NECAB1: variants seen among roughly 807,000 people sequenced by gnomAD.
NECAB1 encodes the protein N-terminal EF-hand calcium binding protein 1, also known as N-terminal EF-hand calcium-binding protein 1.
NECAB1 carries 29 observed loss-of-function variants against 57.5 expected under a neutral mutation model. The observed-to-expected ratio is 0.50, with a 90% CI of 0.38 to 0.69. The LOEUF is 0.69. NECAB1 is among the 30% of genes least tolerant of loss of function. The pLI is 0.00. For synonymous variants in NECAB1, 142 were observed against 147.7 expected (o/e 0.96, Z 0.28); for missense variants, 372 against 413.8 (o/e 0.90, Z 0.88).
At chr8:90,806,120 C>T (rs1249444321) in intron 2 of NECAB1, among the ~76,000 whole-genome samples, 1 of 152,158 alleles carries the variant, frequency 6.6e-6, no homozygotes, top group Non-Finnish European at 1.5e-5. Context: ...TGAATAGCAC[C>T]ATTGGATTCC....
At position 90,956,177 on chromosome 8, in the gene NECAB1, G is replaced by T. The variant is rs915612725; in HGVS notation, c.*665G>T. 1 of 152,018 alleles carries T rather than the reference G, an allele frequency of 6.6e-6. No individual in the cohort carries two copies. The highest frequency in any genetic ancestry group is 1.5e-5 in the Non-Finnish European group (1 of 67,950). The allele number at this position is 152,018 out of a possible 1,614,324, so 9.4% of individuals were successfully genotyped here. ...TACCATTTAGTAATACAGCAACATT[G>T]TGTCATTTATTAGCATCATAATTCT... On this transcript the variant is annotated 3_prime_UTR_variant, in exon 13 of 13. Transcript: ENST00000417640.
chr8:90,891,076 A>T (rs1437675825), intron 5 of NECAB1, among the ~76,000 whole-genome samples: 1 of 152,360 alleles, frequency 6.6e-6, no homozygotes, highest in African/African-American at 2.4e-5. Flanking sequence ...AAGTCACTTC[A>T]AGGAAAAGAA....
At chr8:90,816,498 A>C (rs1812063328) in intron 2 of NECAB1, among the ~76,000 whole-genome samples, 1 of 151,846 alleles carries the variant, frequency 6.6e-6, no homozygotes. Flanking sequence ...AATTTTCGCT[A>C]TCTCAAAGGT....
intron 1 of NECAB1, among the ~76,000 whole-genome samples, chr8:90,794,923 A>G (rs1279673046): frequency 1.3e-5 from 2 of 152,110 alleles, no homozygotes; most frequent in African/African-American, 4.8e-5. Context: ...CATCATAAAT[A>G]CTCTTGAATA....
intron 2 of NECAB1, among the ~76,000 whole-genome samples, chr8:90,803,688 A>C (rs1352387646): frequency 6.6e-6 from 1 of 152,044 alleles, no homozygotes; most frequent in Non-Finnish European, 1.5e-5. Context: ...CATGCTGTCA[A>C]ACTACCTGCC....
At chr8:90,928,114 G>C (rs553551425) in intron 7 of NECAB1, 109 bp from the exon 8 acceptor site, 1 of 809,098 alleles carries the variant, frequency 1.2e-6, no homozygotes, top group East Asian at 2.7e-5. Flanking sequence ...TGACCAGTCA[G>C]TGACACTGCA....
At chr8:90,817,578 T>G (rs887806358) in intron 2 of NECAB1, among the ~76,000 whole-genome samples, 2 of 151,776 alleles carry the variant, frequency 1.3e-5, no homozygotes, top group Non-Finnish European at 3.0e-5. Context: ...TAATATGATT[T>G]TTTCCTATTT....
intron 3 of NECAB1, among the ~76,000 whole-genome samples, chr8:90,834,005 A>G (rs1440798411): frequency 6.6e-6 from 1 of 151,962 alleles, no homozygotes; most frequent in Non-Finnish European, 1.5e-5. Context: ...TCTATTAAAA[A>G]TACAAAAATT....
intron 3 of NECAB1, among the ~76,000 whole-genome samples, chr8:90,863,160 A>G (rs1277604909): frequency 6.6e-6 from 1 of 152,070 alleles, no homozygotes; most frequent in African/African-American, 2.4e-5. Flanking sequence ...TTTCTCTGCT[A>G]TATTGAGCAA....
chr8:90,925,777 A>T lies in NECAB1; in HGVS notation c.616+121A>T, dbSNP rs139175289. 1.1e-4 allele frequency: 149 copies of T among 1,340,734 alleles called. No homozygotes were observed. In the East Asian group the frequency reaches 3.7e-3, roughly 33 times the overall value. 83.1% of individuals were successfully genotyped at this position (1,340,734 alleles called of 1,614,324 possible). A position where few individuals can be genotyped will look rare whatever the true frequency, so the allele number is the denominator to read the frequency against. ...ATGGAACACTTTCCTTATACCAAGT[A>T]AGTTTGAGACAGAAGCAGTGAAGAG... On this transcript the variant is annotated intron_variant, in intron 7 of 12. Coordinates refer to ENST00000417640, the MANE Select transcript of NECAB1 (RefSeq NM_022351.5).
At chr8:90,906,889 A>ATATATATATATATATATATATATG (rs1809678455) in intron 5 of NECAB1, among the ~76,000 whole-genome samples, 5 of 72,858 alleles carry the variant, frequency 6.9e-5, no homozygotes, top group African/African-American at 2.3e-4. Context: ...ATATATATAT[A>ATATATATATATATATATATATATG]TATATATATA....
At chr8:90,814,441 G>A (rs1392429315) in intron 2 of NECAB1, among the ~76,000 whole-genome samples, 1 of 152,190 alleles carries the variant, frequency 6.6e-6, no homozygotes, top group Non-Finnish European at 1.5e-5. Context: ...CACCCAAGGA[G>A]AGGGGAGTTA....
chr8:90,948,712 A>T (rs1054734574), intron 10 of NECAB1, among the ~76,000 whole-genome samples: 2 of 152,132 alleles, frequency 1.3e-5, no homozygotes, highest in African/African-American at 4.8e-5. Context: ...TAAGTTTATG[A>T]ATCTGTCTCT....
intron 3 of NECAB1, among the ~76,000 whole-genome samples, chr8:90,858,338 C>A (rs937633056): frequency 1.3e-5 from 2 of 152,178 alleles, no homozygotes; most frequent in African/African-American, 4.8e-5. Context: ...CCCCTGAAAT[C>A]AGCAGTACCA....
At chr8:90,832,515 C>A (rs567307441) in intron 3 of NECAB1, among the ~76,000 whole-genome samples, 1 of 152,138 alleles carries the variant, frequency 6.6e-6, no homozygotes, top group East Asian at 1.9e-4. Context: ...TTTTCTCCGA[C>A]AAAAATGGTA....
chr8:90,871,416 A>G lies in NECAB1; in HGVS notation c.234-712A>G, dbSNP rs932907834. Among the ~76,000 whole-genome samples the G allele has an allele frequency of 2.0e-5, 3 of 152,268 alleles. No individual in the cohort carries two copies. The South Asian group carries it at 6.2e-4, about 32-fold the overall frequency. Reference sequence around the variant, plus strand: ...TCCTGTACCATACCTTTCTTGGTAAAGGACATTATTCTTCTGATAGTCATG... The same window carrying G: ...TCCTGTACCATACCTTTCTTGGTAAGGGACATTATTCTTCTGATAGTCATG... On this transcript the variant is annotated intron_variant, in intron 3 of 12. Transcript: ENST00000417640.
At chr8:90,953,451 A>G (rs906424505) in intron 12 of NECAB1, among the ~76,000 whole-genome samples, 2 of 152,208 alleles carry the variant, frequency 1.3e-5, no homozygotes, top group Admixed American at 6.5e-5. Context: ...GCTCAATACA[A>G]TTTAATGTCT....
chr8:90,851,507 T>A (rs1812682926), intron 3 of NECAB1, among the ~76,000 whole-genome samples: 1 of 152,180 alleles, frequency 6.6e-6, no homozygotes, highest in African/African-American at 2.4e-5. Flanking sequence ...ATATCCAGAC[T>A]GTTGGAGAAT....
intron 3 of NECAB1, among the ~76,000 whole-genome samples, chr8:90,853,872 TA>T (rs1420757682): frequency 6.6e-6 from 1 of 152,052 alleles, no homozygotes; most frequent in East Asian, 1.9e-4. Context: ...CCTAACCCAC[TA>T]AAAATAGGGA....
Sources: gnomAD v4.1 joint callset for allele counts (sites outside exome capture counted in the v4.1 genomes callset) on GRCh38, gnomAD v4.1.1 for gene constraint, MANE v1.5 for transcripts, NCBI Gene and HGNC (gene_info 2026-07-23, HGNC 2026-07-21) for gene names.